CSMD1: variants seen among roughly 807,000 people sequenced by gnomAD.
CSMD1 encodes the protein CUB and sushi domain-containing protein 1.
Under a neutral mutation model 417.5 loss-of-function variants are expected in CSMD1, and 213 were observed. The ratio of observed to expected loss-of-function variants is 0.51; its 90% CI spans 0.46 to 0.57. The LOEUF is 0.57. Ranked by LOEUF, CSMD1 falls within the 20% of genes least tolerant of loss-of-function variation. The pLI is 0.00. For synonymous variants in CSMD1, 2,862 were observed against 1,736.8 expected (o/e 1.65, Z -16.11); for missense variants, 6,923 against 4,529.7 (o/e 1.53, Z -15.17).
chr8:3,446,956 C>G (rs991002387), intron 12 of CSMD1, among the ~76,000 whole-genome samples: 30 of 152,134 alleles, frequency 2.0e-4, no homozygotes, highest in South Asian at 2.1e-4. Flanking sequence ...TCTGCTCACA[C>G]ATAGTGACTT....
chr8:3,847,423 C>A (rs975094852), intron 5 of CSMD1, among the ~76,000 whole-genome samples: 1 of 152,088 alleles, frequency 6.6e-6, no homozygotes, highest in South Asian at 2.1e-4. Flanking sequence ...GGACAGTTGG[C>A]TGCGAGCAGT....
intron 23 of CSMD1, among the ~76,000 whole-genome samples, chr8:3,342,342 A>T (rs1807712333): frequency 6.6e-6 from 1 of 152,188 alleles, no homozygotes; most frequent in Non-Finnish European, 1.5e-5. Flanking sequence ...TCCATCAAAT[A>T]AAGGTATCCA....
At chr8:4,646,569 G>A (rs1044523864) in intron 1 of CSMD1, among the ~76,000 whole-genome samples, 1 of 152,110 alleles carries the variant, frequency 6.6e-6, no homozygotes, top group East Asian at 1.9e-4. Context: ...CTGATTCCTG[G>A]GTGTTCGCAT....
At chr8:3,676,527 C>A (rs1799382369) in intron 7 of CSMD1, among the ~76,000 whole-genome samples, 3 of 152,126 alleles carry the variant, frequency 2.0e-5, no homozygotes, top group Admixed American at 1.3e-4. Context: ...GCATATAGAT[C>A]TTAAATATAT....
In CSMD1 at chr8:4,356,618, CTG is replaced by C. The variant is rs1801447164; in HGVS notation, c.415+63333_415+63334del. ...CCTGTAAGCATCTTGGCTGTTTTCA[CTG>C]TGTCTGCTTTATTCTGGTCCTGCGA... On this transcript the variant is annotated intron_variant, in intron 3 of 69. Transcript: ENST00000635120. Among the ~76,000 whole-genome samples the C allele has an allele frequency of 2.0e-5, 3 of 152,160 alleles. No homozygotes were observed. In the South Asian group the frequency reaches 6.2e-4, roughly 32 times the overall value.
intron 50 of CSMD1, among the ~76,000 whole-genome samples, chr8:3,039,395 C>T (rs1352747421): frequency 7.0e-6 from 1 of 142,964 alleles, no homozygotes; most frequent in African/African-American, 2.8e-5. Context: ...TTCCTTCCCC[C>T]TTCCCTTCCT....
At chr8:3,225,327 G>T (rs931096072) in intron 27 of CSMD1, among the ~76,000 whole-genome samples, 1 of 150,834 alleles carries the variant, frequency 6.6e-6, no homozygotes, top group African/African-American at 2.4e-5. Flanking sequence ...ACAGATATAC[G>T]TTCAAGAGTA....
intron 7 of CSMD1, among the ~76,000 whole-genome samples, chr8:3,691,053 T>C (rs2129032763): frequency 6.6e-6 from 1 of 152,184 alleles, no homozygotes; most frequent in African/African-American, 2.4e-5. Context: ...CTAACACACA[T>C]GGCGACATCC....
intron 1 of CSMD1, among the ~76,000 whole-genome samples, chr8:4,715,394 T>A (rs1808590613): frequency 1.3e-5 from 2 of 152,228 alleles, no homozygotes; most frequent in South Asian, 2.1e-4. Context: ...AATATAAACA[T>A]GTAAAACAGA....
At chr8:3,830,488 A>C (rs965078442) in intron 5 of CSMD1, among the ~76,000 whole-genome samples, 3 of 152,248 alleles carry the variant, frequency 2.0e-5, no homozygotes, top group Non-Finnish European at 4.4e-5. Context: ...CATTCTGTGC[A>C]ACTGAGAATC....
chr8:3,972,603 T>A (rs961133841), intron 5 of CSMD1, among the ~76,000 whole-genome samples: 1 of 152,186 alleles, frequency 6.6e-6, no homozygotes, highest in African/African-American at 2.4e-5. Flanking sequence ...GCCTTTATTT[T>A]TAATGTACTA....
At chr8:4,649,345 T>C (rs1481125607) in intron 1 of CSMD1, among the ~76,000 whole-genome samples, 1 of 152,216 alleles carries the variant, frequency 6.6e-6, no homozygotes. Flanking sequence ...AGAGTACCTA[T>C]TATAAGGTAA....
In CSMD1 at chr8:3,619,494, G is replaced by A. The variant is rs367842060; in HGVS notation, c.1010-2697C>T. Among the ~76,000 whole-genome samples the A allele has an allele frequency of 5.9e-5, 9 of 152,192 alleles. No individual in the cohort carries two copies. The South Asian group carries it at 1.7e-3, about 28-fold the overall frequency. Reference sequence around the variant, plus strand: ...CTGAAGAAATATATGCATCAGACTTGCTAGACAATGAATTTACAACAACAA... The same window carrying A: ...CTGAAGAAATATATGCATCAGACTTACTAGACAATGAATTTACAACAACAA... On this transcript the variant is annotated intron_variant, in intron 7 of 69. Transcript: ENST00000635120.
At chr8:4,188,738 G>C (rs978081889) in intron 3 of CSMD1, among the ~76,000 whole-genome samples, 1 of 151,838 alleles carries the variant, frequency 6.6e-6, no homozygotes, top group Non-Finnish European at 1.5e-5. Context: ...TTTGAGTAAT[G>C]TCTAGAAAAG....
At chr8:3,749,578 A>G (rs1797225408) in intron 6 of CSMD1, among the ~76,000 whole-genome samples, 1 of 152,224 alleles carries the variant, frequency 6.6e-6, no homozygotes, top group Admixed American at 6.5e-5. Context: ...TTATTTGACC[A>G]AGAAAAGCAC....
chr8:4,432,813 C>G (rs1373423540), intron 2 of CSMD1, among the ~76,000 whole-genome samples: 1 of 152,138 alleles, frequency 6.6e-6, no homozygotes, highest in African/African-American at 2.4e-5. Flanking sequence ...AGAAACCAAC[C>G]AACAATTTAG....
intron 1 of CSMD1, among the ~76,000 whole-genome samples, chr8:4,650,439 A>G (rs1362848133): frequency 2.0e-5 from 3 of 151,768 alleles, no homozygotes; most frequent in Admixed American, 6.6e-5. Flanking sequence ...AAATTTCTAC[A>G]TCCATTTGTA....
At chr8:3,207,381 G>A (rs888915665) in intron 30 of CSMD1, among the ~76,000 whole-genome samples, 1 of 150,752 alleles carries the variant, frequency 6.6e-6, no homozygotes, top group Non-Finnish European at 1.5e-5. Flanking sequence ...CTGACCTCAT[G>A]ATCCGCATGG....
intron 5 of CSMD1, among the ~76,000 whole-genome samples, chr8:3,775,770 C>T (rs1019725835): frequency 3.3e-4 from 50 of 152,316 alleles, no homozygotes; most frequent in African/African-American, 1.2e-3. Flanking sequence ...CCTTAATCTA[C>T]AAAAGGTCCA....
Sources: allele counts gnomAD v4.1 joint callset (sites outside exome capture counted in the v4.1 genomes callset), GRCh38; gene constraint gnomAD v4.1.1; transcripts MANE v1.5; gene names NCBI Gene and HGNC (gene_info 2026-07-23, HGNC 2026-07-21).